Variants in PLA2G3 observed in about 807,000 individuals in gnomAD.
The protein encoded by PLA2G3 is phospholipase A2 group III, also known as group 3 secretory phospholipase A2.
In PLA2G3, 39 loss-of-function variants were observed where a neutral mutation model predicts 51.3. The ratio of observed to expected loss-of-function variants is 0.76; its 90% CI spans 0.59 to 0.99. The LOEUF is 0.99. PLA2G3 is among the 50% of genes least tolerant of loss of function. The pLI is 0.00. For synonymous variants in PLA2G3, 293 were observed against 263.1 expected, an observed-to-expected ratio of 1.11 and a Z score of -1.10; for missense variants, 677 against 662.1, an observed-to-expected ratio of 1.02 and a Z score of -0.25.
chr22:31,137,066 G>A, intron 4 of PLA2G3, 26 bp from the exon 5 acceptor site: 1 of 1,493,318 alleles, frequency 6.7e-7, no homozygotes, highest in Non-Finnish European at 8.9e-7. Context: ...GGTGTTGATG[G>A]GAGCCCAATC....
chr22:31,137,432 T>G (rs1388499709), intron 4 of PLA2G3, among the ~76,000 whole-genome samples: 3 of 152,134 alleles, frequency 2.0e-5, no homozygotes, highest in Non-Finnish European at 2.9e-5. Context: ...GAGTTTTGAC[T>G]GGGGGTAGGG....
At chr22:31,136,656 ATCCC>A in intron 6 of PLA2G3, 23 bp downstream of exon 6, 2 of 1,584,628 alleles carry the variant, frequency 1.3e-6, no homozygotes, top group Non-Finnish European at 1.7e-6. Context: ...AAAACCCCCC[ATCCC>A]TCCTGGCTCT....
At position 31,135,631 on chromosome 22, in the gene PLA2G3, G is replaced by A. The variant is rs2147891963; in HGVS notation, c.*92C>T. ...CCACAACAGCCTCTGCCATGCTTCA[G>A]TCTAACCTACGGAGGGGAGGCTGAG... On this transcript the variant is annotated 3_prime_UTR_variant, in exon 7 of 7. Coordinates refer to ENST00000215885, the MANE Select transcript of PLA2G3 (RefSeq NM_015715.5). The A allele has an allele frequency of 3.2e-6, 3 of 950,252 alleles. No homozygotes were observed. The highest frequency in any genetic ancestry group is 3.7e-5 in the Admixed American group (2 of 54,552). The allele number at this position is 950,252 out of a possible 1,614,324, so 58.9% of individuals were successfully genotyped here.
In PLA2G3 at chr22:31,137,976, GT is replaced by G; in HGVS notation, c.799del (p.Thr267GlnfsTer86). The G allele has an allele frequency of 6.4e-7, 1 of 1,574,470 alleles. No homozygotes were observed. Among genetic ancestry groups the G allele is most frequent in the Non-Finnish European group, 8.6e-7 (1 of 1,163,420 alleles). On this transcript the variant is annotated frameshift_variant, in exon 4 of 7. Transcript: ENST00000215885. LOFTEE classifies it high-confidence loss of function. ...YWWGGCRMYGTVPLARLQPRT... is the reference protein window; with the variant it reads ...YWWGGCRMYGXVPLARLQPRT... ...GGGCTGCAGGCGAGCGAGGGGCACT[GT>G]GCCGTACATCCTACACCTGGGTGGT...
At chr22:31,137,630 G>A (rs1922652205) in intron 4 of PLA2G3, 80 bp downstream of exon 4, 1 of 1,291,246 alleles carries the variant, frequency 7.7e-7, no homozygotes, top group East Asian at 2.3e-5. Context: ...CAGGAAAAGA[G>A]GCAACACATG....
chr22:31,138,007 G>A lies in PLA2G3; in HGVS notation c.783-14C>T. The A allele has an allele frequency of 1.3e-6, 2 of 1,530,338 alleles. No homozygotes were observed. The allele number at this position is 1,530,338 out of a possible 1,614,324, so 94.8% of individuals were successfully genotyped here. A position where few individuals can be genotyped will look rare whatever the true frequency, so the allele number is the denominator to read the frequency against. On this transcript the variant is annotated splice_polypyrimidine_tract_variant and intron_variant, in intron 3 of 6. Transcript: ENST00000215885. ...TACATCCTACACCTGGGTGGTGGCA[G>A]TTGGTGGAAATTGGTGACTGGGAAT...
chr22:31,139,731 G>A (rs1568949420), intron 1 of PLA2G3, 110 bp downstream of exon 1: 2 of 704,284 alleles, frequency 2.8e-6, no homozygotes, highest in Non-Finnish European at 2.4e-6. Context: ...GGTTCACCAT[G>A]GTCAAGTCAC....
intron 2 of PLA2G3, 93 bp from the exon 3 acceptor site, chr22:31,138,503 G>C (rs1353559274): frequency 6.5e-7 from 1 of 1,539,644 alleles, no homozygotes; most frequent in Non-Finnish European, 8.9e-7. Context: ...GGGTGGTTTG[G>C]GGTCCAAGCA....
intron 2 of PLA2G3, 63 bp from the exon 3 acceptor site, chr22:31,138,473 C>T: frequency 1.3e-6 from 2 of 1,583,982 alleles, no homozygotes; most frequent in South Asian, 1.1e-5. Flanking sequence ...CTCCCACAGC[C>T]CACTGTGCCA....
intron 3 of PLA2G3, 38 bp from the exon 4 acceptor site, chr22:31,138,031 A>G (rs375726278): frequency 1.4e-5 from 22 of 1,520,788 alleles, no homozygotes; most frequent in Non-Finnish European, 1.7e-5. Context: ...GTGACTGGGA[A>G]TCCCCCTTCC....
chr22:31,136,911 C>T lies in PLA2G3; in HGVS notation c.1196G>A (p.Arg399His), dbSNP rs142105230. 3.1e-4 allele frequency: 495 copies of T among 1,609,066 alleles called. 3 individuals carry two copies. Among genetic ancestry groups the T allele is most frequent in the South Asian group, 2.6e-3 (233 of 90,676 alleles). Residue 399 changes from arginine (R) to histidine (H), a missense_variant, in exon 5 of 7, where the codon CGC becomes CAC. Physicochemically the swap from Arg to His is conservative, Grantham distance 29. Coordinates refer to ENST00000215885, the MANE Select transcript of PLA2G3 (RefSeq NM_015715.5). ...QEPLFHCNCT[R>H]RLARFLRLHS... ...CGAGGGTTCAAAGGGGCCTCACCGGCGCGTGCAGTTGCAGTGGAAGAGGGG... is the reference window on the plus strand; with the variant it reads ...CGAGGGTTCAAAGGGGCCTCACCGGTGCGTGCAGTTGCAGTGGAAGAGGGG...
Position 31,135,490 on chromosome 22 carries a change from C to T in PLA2G3, c.*233G>A, listed in dbSNP as rs1271721872. 3.6e-6 allele frequency: 2 copies of T among 559,756 alleles called. No individual in the cohort carries two copies. The highest frequency in any genetic ancestry group is 6.1e-5 in the Admixed American group (2 of 32,620). The allele number at this position is 559,756 out of a possible 1,614,324, so 34.7% of individuals were successfully genotyped here. On this transcript the variant is annotated 3_prime_UTR_variant, in exon 7 of 7. Transcript: ENST00000215885. ...AGGGCATCAGAATGAGCTTCCTGAA[C>T]ACCACATCCAGGCATAGAAGAGTTG...
chr22:31,137,447 C>T (rs558277746), intron 4 of PLA2G3, among the ~76,000 whole-genome samples: 2 of 152,274 alleles, frequency 1.3e-5, no homozygotes, highest in African/African-American at 4.8e-5. Context: ...GTAGGGTCTG[C>T]AGGGCCAAGG....
chr22:31,136,076 G>A, intron 6 of PLA2G3, 140 bp from the exon 7 acceptor site: 1 of 673,398 alleles, frequency 1.5e-6, no homozygotes, highest in African/African-American at 1.8e-5. Flanking sequence ...GGGTTTCACG[G>A]AGAAAGGGTA....
At position 31,138,247 on chromosome 22, in the gene PLA2G3, G is replaced by C. The variant is rs371370680; in HGVS notation, c.782+29C>G. ...GGAGCCTGGGCTCCCTCTCTGTCTG[G>C]AAAGGGACATGAGGGGGTGGCCACG... On this transcript the variant is annotated intron_variant, in intron 3 of 6. Coordinates refer to ENST00000215885, the MANE Select transcript of PLA2G3 (RefSeq NM_015715.5). 5.0e-6 allele frequency: 8 copies of C among 1,609,538 alleles called. No homozygotes were observed. In the African/African-American group the frequency reaches 1.1e-4, roughly 22 times the overall value.
Position 31,138,721 on chromosome 22 carries a change from T to C in PLA2G3, c.593A>G (p.Tyr198Cys), listed in dbSNP as rs902523612. 2.5e-6 allele frequency: 4 copies of C among 1,613,924 alleles called. No individual in the cohort carries two copies. The highest frequency in any genetic ancestry group is 2.7e-5 in the African/African-American group (2 of 74,882). The change falls in exon 2 of 7, where the codon TAT becomes TGT. Residue 198 changes from tyrosine to cysteine, a missense_variant. Tyr to Cys is a radical substitution (Grantham distance 194). Coordinates refer to ENST00000215885, the MANE Select transcript of PLA2G3 (RefSeq NM_015715.5). ...PQNISPLQYN[Y>C]GIRNYRFHTI... The stretch of plus-strand genomic sequence containing the variant: ...GTGGAATCGGTAGTTTCGGATGCCA[T>C]AGTTGTACTGCAAGGGTGAGATGTT...
chr22:31,138,617 G>A, intron 2 of PLA2G3, 50 bp downstream of exon 2: 1 of 1,610,274 alleles, frequency 6.2e-7, no homozygotes, highest in Non-Finnish European at 8.5e-7. Context: ...CAGGAACTGG[G>A]TAACTCTGCC....
rs1254621712 is a variant in PLA2G3 at position 31,138,732 on chromosome 22, C to G, written c.582G>C (p.Leu194Phe). 6 of 1,613,992 alleles carry G rather than the reference C, an allele frequency of 3.7e-6. No individual in the cohort carries two copies. The highest frequency in any genetic ancestry group is 5.1e-6 in the Non-Finnish European group (6 of 1,180,006). The change falls in exon 2 of 7, where the codon TTG becomes TTC. Residue 194 changes from leucine to phenylalanine, a missense_variant. By Grantham distance (22) the Leu-to-Phe change is conservative. Coordinates refer to ENST00000215885, the MANE Select transcript of PLA2G3 (RefSeq NM_015715.5). ...AGTTTCGGATGCCATAGTTGTACTG[C>G]AAGGGTGAGATGTTCTGTGGGCAGC... ...HDRCPQNISP[L>F]QYNYGIRNYR...
At position 31,136,070 on chromosome 22, in the gene PLA2G3, T is replaced by C; in HGVS notation, c.1317-134A>G. On this transcript the variant is annotated intron_variant, in intron 6 of 6. Coordinates refer to ENST00000215885, the MANE Select transcript of PLA2G3 (RefSeq NM_015715.5). ...ACCAGCAAGGCAGAGAGGGGTGGGT[T>C]TCACGGAGAAAGGGTATAATAAACC... 2 of 693,892 alleles carry C rather than the reference T, an allele frequency of 2.9e-6. 1 individual carries two copies. Among genetic ancestry groups the C allele is most frequent in the South Asian group, 3.7e-5 (2 of 54,020 alleles). The allele number at this position is 693,892 out of a possible 1,614,324, so 43.0% of individuals were successfully genotyped here.
Sources: gnomAD v4.1 joint callset for allele counts (sites outside exome capture counted in the v4.1 genomes callset) on GRCh38, gnomAD v4.1.1 for gene constraint, MANE v1.5 for transcripts, NCBI Gene and HGNC (gene_info 2026-07-23, HGNC 2026-07-21) for gene names.